The following TTC28 variants were observed in gnomAD, a reference collection of about 807,000 sequenced individuals.
The protein encoded by TTC28 is tetratricopeptide repeat protein 28.
TTC28 carries 61 observed loss-of-function variants against 198.0 expected under a neutral mutation model. That is an observed-to-expected ratio of 0.31 (90% CI 0.25 to 0.38). The LOEUF is 0.38. Among genes scored for constraint, TTC28 ranks in the 10% least tolerant of loss-of-function variants. TTC28 has a pLI of 1.00. For synonymous variants in TTC28, 1,171 were observed against 1,297.8 expected, an observed-to-expected ratio of 0.90 and a Z score of 2.10; for missense variants, 2,678 against 3,164.0, an observed-to-expected ratio of 0.85 and a Z score of 3.69.
chr22:28,485,044 C>T (rs1163468574), intron 2 of TTC28, among the ~76,000 whole-genome samples: 1 of 152,110 alleles, frequency 6.6e-6, no homozygotes, highest in Non-Finnish European at 1.5e-5. Context: ...TTAAAGGTTA[C>T]CATCCCTTCA....
chr22:28,016,246 G>C (rs1285128029), intron 13 of TTC28, among the ~76,000 whole-genome samples: 2 of 152,214 alleles, frequency 1.3e-5, no homozygotes, highest in East Asian at 1.9e-4. Context: ...TTCAGAGCCA[G>C]TGAAGCACAG....
At chr22:28,345,905 A>C (rs952279260) in intron 2 of TTC28, among the ~76,000 whole-genome samples, 5 of 152,214 alleles carry the variant, frequency 3.3e-5, no homozygotes, top group African/African-American at 9.6e-5. Context: ...AGTCACAGGT[A>C]AGAAATTGTT....
chr22:28,605,608 A>G (rs1204169576), intron 2 of TTC28, among the ~76,000 whole-genome samples: 2 of 152,242 alleles, frequency 1.3e-5, no homozygotes, highest in African/African-American at 2.4e-5. Flanking sequence ...TGAAAGGTAT[A>G]GAAGTAACTG....
rs1937457445 is a variant in TTC28, at chr22:27,992,659, C to G, written c.5481G>C (p.Leu1827=). 3 of 1,551,536 alleles carry G rather than the reference C, an allele frequency of 1.9e-6. No homozygotes were observed. The highest frequency in any genetic ancestry group is 1.7e-6 in the Non-Finnish European group (2 of 1,146,970). The change falls in exon 19 of 23, where the codon CTG becomes CTC. Residue 1827 remains leucine, a synonymous_variant. Transcript: ENST00000397906. ...CSSTLQSLLG[L]PNPALQALCK... ...AAAGGGCTTGGAGGGCAGGATTGGG[C>G]AGACCTAAACCAAGAAAAAAGGGTA...
rs142955472 is a variant in TTC28 at position 28,294,914 on chromosome 22, A to G, written c.933+1284T>C. Among the ~76,000 whole-genome samples, 26 of 152,296 alleles carry G rather than the reference A, an allele frequency of 1.7e-4. No individual in the cohort carries two copies. In the East Asian group the frequency reaches 4.2e-3, roughly 25 times the overall value. On this transcript the variant is annotated intron_variant, in intron 5 of 22. Coordinates refer to ENST00000397906, the MANE Select transcript of TTC28 (RefSeq NM_001145418.2). ...ATCTGTCCCTTCACTAAATGGACCT[A>G]TCTGGACAACTATGCTGTTTTACTT...
At chr22:28,050,243 G>A (rs1019534880) in intron 12 of TTC28, among the ~76,000 whole-genome samples, 1 of 152,100 alleles carries the variant, frequency 6.6e-6, no homozygotes, top group African/African-American at 2.4e-5. Context: ...CAGCCTCTAA[G>A]GGCTCAGAAG....
At chr22:28,411,599 GAAA>G (rs771826427) in intron 2 of TTC28, among the ~76,000 whole-genome samples, 1 of 152,160 alleles carries the variant, frequency 6.6e-6, no homozygotes, top group Non-Finnish European at 1.5e-5. Flanking sequence ...GGCACAGGAT[GAAA>G]TAATGCCTGC....
At chr22:28,373,801 A>G (rs2046371236) in intron 2 of TTC28, among the ~76,000 whole-genome samples, 1 of 70,104 alleles carries the variant, frequency 1.4e-5, no homozygotes, top group African/African-American at 5.8e-5. Flanking sequence ...ATACTACAGT[A>G]TAGGCAAAAA....
chr22:28,088,394 C>G (rs373629629), intron 12 of TTC28, among the ~76,000 whole-genome samples: 6 of 151,966 alleles, frequency 3.9e-5, no homozygotes, highest in South Asian at 2.1e-4. Flanking sequence ...ACAAACTTGA[C>G]AAAAACAAGC....
At position 28,096,336 on chromosome 22, in the gene TTC28, C is replaced by T. The variant is rs1263923118; in HGVS notation, c.3620G>A (p.Arg1207Gln). Residue 1207 changes from arginine to glutamine, a missense_variant, in exon 11 of 23, where the codon CGA becomes CAA. Transcript: ENST00000397906. ...GTCGGAGTCTTGTTGTCCTGTTTGT[C>T]GTTCCACCAGAAGATCAGCAAATGC... The part of the protein sequence containing the change: ...TRAFADLLVE[R>Q]QTGQQDSDPY... The T allele has an allele frequency of 5.2e-6, 8 of 1,552,002 alleles. No individual in the cohort carries two copies. The highest frequency in any genetic ancestry group is 7.0e-6 in the Non-Finnish European group (8 of 1,147,060).
intron 2 of TTC28, among the ~76,000 whole-genome samples, chr22:28,422,674 C>T (rs1285243398): frequency 2.6e-5 from 4 of 151,902 alleles, no homozygotes; most frequent in Admixed American, 2.6e-4. Flanking sequence ...CTCGATCTCC[C>T]GACCTCACGA....
At chr22:28,642,634 G>A (rs905160606) in intron 1 of TTC28, among the ~76,000 whole-genome samples, 2 of 152,100 alleles carry the variant, frequency 1.3e-5, no homozygotes, top group African/African-American at 4.8e-5. Context: ...TGGCCATGCA[G>A]ATACATATGG....
intron 5 of TTC28, among the ~76,000 whole-genome samples, chr22:28,292,192 A>C (rs1176895171): frequency 6.6e-6 from 1 of 152,044 alleles, no homozygotes; most frequent in Non-Finnish European, 1.5e-5. Flanking sequence ...ATAAATATTA[A>C]CTTTTATTTT....
chr22:28,400,329 G>A (rs1441214083), intron 2 of TTC28, among the ~76,000 whole-genome samples: 1 of 152,180 alleles, frequency 6.6e-6, no homozygotes, highest in African/African-American at 2.4e-5. Context: ...GTCCTGCTCA[G>A]CATTTCAAAG....
At chr22:28,289,388 T>G (rs16986254) in intron 5 of TTC28, among the ~76,000 whole-genome samples, 3,297 of 152,288 alleles carry the variant, frequency 0.022, 33 homozygotes, top group Non-Finnish European at 0.027. Flanking sequence ...TATGTACTCT[T>G]CTGACAATTC....
At chr22:28,300,699 A>G (rs1304571647) in intron 3 of TTC28, among the ~76,000 whole-genome samples, 1 of 152,202 alleles carries the variant, frequency 6.6e-6, no homozygotes, top group Non-Finnish European at 1.5e-5. Flanking sequence ...TTGAAAAAAG[A>G]GTAGGGCTTA....
chr22:28,304,599 T>G (rs2045098945), intron 3 of TTC28, among the ~76,000 whole-genome samples: 1 of 152,114 alleles, frequency 6.6e-6, no homozygotes. Flanking sequence ...AAGAACCTGG[T>G]AGAGAAAACC....
intron 2 of TTC28, among the ~76,000 whole-genome samples, chr22:28,495,392 A>G (rs970409805): frequency 1.1e-4 from 17 of 152,320 alleles, no homozygotes; most frequent in African/African-American, 4.1e-4. Context: ...CAGCAAAAAG[A>G]AAACAGGACA....
At chr22:28,237,274 G>C (rs984589422) in intron 5 of TTC28, among the ~76,000 whole-genome samples, 2 of 152,000 alleles carry the variant, frequency 1.3e-5, no homozygotes, top group African/African-American at 4.8e-5. Flanking sequence ...GTCCTAACGT[G>C]TCCACTGCAT....
Sources: gnomAD v4.1 joint callset for allele counts (sites outside exome capture counted in the v4.1 genomes callset) on GRCh38, gnomAD v4.1.1 for gene constraint, MANE v1.5 for transcripts, NCBI Gene and HGNC (gene_info 2026-07-23, HGNC 2026-07-21) for gene names.